The following ARHGAP42 variants were observed in gnomAD, a reference collection of about 807,000 sequenced individuals.
The protein encoded by ARHGAP42 is rho GTPase-activating protein 42.
In ARHGAP42, 63 loss-of-function variants were observed where a neutral mutation model predicts 125.0. The observed-to-expected ratio is 0.50, with a 90% CI of 0.41 to 0.62. The LOEUF (loss-of-function observed/expected upper bound fraction) is 0.62, where lower values mean the gene tolerates loss of function less well. Among genes scored for constraint, ARHGAP42 ranks in the 20% least tolerant of loss-of-function variants. The pLI, the probability that ARHGAP42 is intolerant of heterozygous loss-of-function variation, is 0.00. For synonymous variants in ARHGAP42, 339 were observed against 351.0 expected, an observed-to-expected ratio of 0.97 and a Z score of 0.38; for missense variants, 766 against 1,024.2, an observed-to-expected ratio of 0.75 and a Z score of 3.44.
At position 100,974,688 on chromosome 11, in the gene ARHGAP42, G is replaced by C. The variant is rs1468476983; in HGVS notation, c.1855+85G>C. On this transcript the variant is annotated intron_variant, in intron 19 of 23. Transcript: ENST00000298815. ...CTGTATTGGTAATTAGGTAGAAATA[G>C]AAGATGTTCTCACTGATGCTCTTTC... 5 of 1,334,144 alleles carry C rather than the reference G, an allele frequency of 3.7e-6. No individual in the cohort carries two copies. In the Admixed American group the frequency reaches 1.3e-4, roughly 35 times the overall value. 82.6% of individuals were successfully genotyped at this position (1,334,144 alleles called of 1,614,324 possible). A position where few individuals can be genotyped will look rare whatever the true frequency, so the allele number is the denominator to read the frequency against.
At chr11:100,893,441 T>C (rs1866271916) in intron 4 of ARHGAP42, among the ~76,000 whole-genome samples, 1 of 152,072 alleles carries the variant, frequency 6.6e-6, no homozygotes. Context: ...TAAGTTAGGA[T>C]AAAATTTTTC....
intron 3 of ARHGAP42, among the ~76,000 whole-genome samples, chr11:100,796,135 G>A (rs1166331758): frequency 6.6e-6 from 1 of 152,088 alleles, no homozygotes; most frequent in Non-Finnish European, 1.5e-5. Flanking sequence ...AACAGCATGT[G>A]TGTACTTTCT....
At chr11:100,840,891 T>G (rs1378799954) in intron 3 of ARHGAP42, among the ~76,000 whole-genome samples, 1 of 152,180 alleles carries the variant, frequency 6.6e-6, no homozygotes, top group Non-Finnish European at 1.5e-5. Flanking sequence ...ATGTTAGTGC[T>G]GAGTCTGCTA....
chr11:100,892,765 G>A (rs934571023), intron 4 of ARHGAP42, among the ~76,000 whole-genome samples: 1 of 152,124 alleles, frequency 6.6e-6, no homozygotes, highest in Non-Finnish European at 1.5e-5. Flanking sequence ...GGTTTTCCAT[G>A]TACAGCATGA....
intron 1 of ARHGAP42, among the ~76,000 whole-genome samples, chr11:100,750,899 G>A (rs1262851924): frequency 2.6e-5 from 4 of 151,482 alleles, no homozygotes; most frequent in Non-Finnish European, 5.9e-5. Flanking sequence ...AACTGCAGAG[G>A]TCTCTTGAAG....
intron 7 of ARHGAP42, among the ~76,000 whole-genome samples, chr11:100,935,671 C>CAT: frequency 8.7e-6 from 1 of 114,910 alleles, no homozygotes; most frequent in Non-Finnish European, 1.8e-5. Flanking sequence ...CACACACACA[C>CAT]ACACACAGAG....
intron 1 of ARHGAP42, among the ~76,000 whole-genome samples, chr11:100,725,242 C>G (rs1353252674): frequency 1.3e-5 from 2 of 151,504 alleles, no homozygotes; most frequent in Non-Finnish European, 2.9e-5. Flanking sequence ...GTGATCTAAG[C>G]TCACTGCAAC....
intron 23 of ARHGAP42, among the ~76,000 whole-genome samples, chr11:100,987,894 C>G (rs1858726113): frequency 6.6e-6 from 1 of 152,072 alleles, no homozygotes; most frequent in South Asian, 2.1e-4. Context: ...CTTTGGGAGG[C>G]CAAGGCGGGC....
chr11:100,899,324 T>C (rs1866460155), intron 4 of ARHGAP42, among the ~76,000 whole-genome samples: 1 of 152,146 alleles, frequency 6.6e-6, no homozygotes, highest in Admixed American at 6.5e-5. Flanking sequence ...TTCTGTTGAT[T>C]TGGGGTGGAG....
intron 4 of ARHGAP42, among the ~76,000 whole-genome samples, chr11:100,876,410 G>A (rs941276561): frequency 2.7e-5 from 4 of 150,034 alleles, no homozygotes; most frequent in Middle Eastern, 3.4e-3. Flanking sequence ...TTAAGAGAAG[G>A]TCAGGTAAAA....
intron 3 of ARHGAP42, among the ~76,000 whole-genome samples, chr11:100,797,939 A>G (rs948830714): frequency 6.6e-6 from 1 of 151,914 alleles, no homozygotes; most frequent in African/African-American, 2.4e-5. Flanking sequence ...TGAAGTTTGG[A>G]AGAAGTTGAT....
intron 3 of ARHGAP42, chr11:100,839,262 A>C (rs548697756): frequency 1.3e-5 from 2 of 152,196 alleles, no homozygotes; most frequent in African/African-American, 2.4e-5. Context: ...TGAAGATTTT[A>C]TGATCTTTTA....
chr11:100,901,339 G>T (rs368160711), intron 4 of ARHGAP42, among the ~76,000 whole-genome samples: 113 of 152,324 alleles, frequency 7.4e-4, no homozygotes, highest in African/African-American at 2.6e-3. Context: ...CTCCTGGAAG[G>T]TGTCTCCCAA....
chr11:100,770,582 A>AT (rs1312916194), intron 2 of ARHGAP42, 144 bp downstream of exon 2: 10 of 665,860 alleles, frequency 1.5e-5, no homozygotes, highest in Admixed American at 3.7e-5. Flanking sequence ...TATGGAAGAA[A>AT]TTTTTTCTTT....
chr11:100,941,773 C>T lies in ARHGAP42; in HGVS notation c.833-11C>T, dbSNP rs986790955. 2.0e-6 allele frequency: 3 copies of T among 1,470,914 alleles called. No homozygotes were observed. Among genetic ancestry groups the T allele is most frequent in the Admixed American group, 2.9e-5 (1 of 34,200 alleles). The allele number at this position is 1,470,914 out of a possible 1,614,324, so 91.1% of individuals were successfully genotyped here. A position where few individuals can be genotyped will look rare whatever the true frequency, so the allele number is the denominator to read the frequency against. On this transcript the variant is annotated splice_polypyrimidine_tract_variant and intron_variant, in intron 8 of 23. Coordinates refer to ENST00000298815, the MANE Select transcript of ARHGAP42 (RefSeq NM_152432.4). Reference sequence around the variant, plus strand: ...AACAAAATCTGAAATTTTTTTGTTTCCTTACATTAGGACCGCTTGGTTTTA... The same window carrying T: ...AACAAAATCTGAAATTTTTTTGTTTTCTTACATTAGGACCGCTTGGTTTTA...
chr11:100,852,440 T>G (rs914620861), intron 3 of ARHGAP42, among the ~76,000 whole-genome samples: 12 of 152,160 alleles, frequency 7.9e-5, no homozygotes, highest in Admixed American at 7.9e-4. Context: ...TGATTTTATT[T>G]TTTCAACCCA....
Position 100,687,574 on chromosome 11 carries a change from T to C in ARHGAP42, c.-105T>C. ...ATCAGTCCCCTCGCGTCCCGGCGCC[T>C]TCCCCGCGATCGCGCGACCCCAGCG... On this transcript the variant is annotated 5_prime_UTR_variant, in exon 1 of 24. Coordinates refer to ENST00000298815, the MANE Select transcript of ARHGAP42 (RefSeq NM_152432.4). 1 of 946,360 alleles carries C rather than the reference T, an allele frequency of 1.1e-6. No homozygotes were observed. The highest frequency in any genetic ancestry group is 1.3e-6 in the Non-Finnish European group (1 of 750,452). 58.6% of individuals were successfully genotyped at this position (946,360 alleles called of 1,614,324 possible). A position where few individuals can be genotyped will look rare whatever the true frequency, so the allele number is the denominator to read the frequency against.
intron 3 of ARHGAP42, among the ~76,000 whole-genome samples, chr11:100,858,215 G>T (rs1184608173): frequency 1.3e-5 from 2 of 151,890 alleles, no homozygotes; most frequent in African/African-American, 4.8e-5. Flanking sequence ...TAATCTCTGC[G>T]CAGTAGGACG....
intron 8 of ARHGAP42, among the ~76,000 whole-genome samples, chr11:100,937,557 A>G (rs1867768713): frequency 6.6e-6 from 1 of 152,218 alleles, no homozygotes; most frequent in Non-Finnish European, 1.5e-5. Context: ...TTTTCTACCA[A>G]TAAAATATTT....
Sources: gnomAD v4.1 joint callset for allele counts (sites outside exome capture counted in the v4.1 genomes callset) on GRCh38, gnomAD v4.1.1 for gene constraint, MANE v1.5 for transcripts, NCBI Gene and HGNC (gene_info 2026-07-23, HGNC 2026-07-21) for gene names.